The following HEATR5B variants were observed in gnomAD, a reference collection of about 807,000 sequenced individuals.
HEATR5B encodes HEAT repeat containing 5B.
HEATR5B carries 156 observed loss-of-function variants against 224.1 expected under a neutral mutation model. That is an observed-to-expected ratio of 0.70 (90% CI 0.61 to 0.80). HEATR5B has a LOEUF of 0.80. Ranked by LOEUF, HEATR5B falls within the 30% of genes least tolerant of loss-of-function variation. The pLI is 0.00. For synonymous variants in HEATR5B, 1,027 were observed against 893.0 expected (o/e 1.15, Z -2.68); for missense variants, 2,323 against 2,535.5 (o/e 0.92, Z 1.80).
In HEATR5B at chr2:37,010,745, C is replaced by T. The variant is rs986655571; in HGVS notation, c.4285-1897G>A. Among the ~76,000 whole-genome samples the T allele has an allele frequency of 2.0e-5, 3 of 151,860 alleles. No homozygotes were observed. The East Asian group carries it at 5.8e-4, about 29-fold the overall frequency. The stretch of plus-strand genomic sequence containing the variant: ...GCCAGGCTGGTCTCAAACTCCTGAC[C>T]GCAGGTGATCCATCCTTCTCAGCCT... On this transcript the variant is annotated intron_variant, in intron 27 of 35. Transcript: ENST00000233099.
Position 37,064,894 on chromosome 2 carries a change from G to A in HEATR5B, c.1430C>T (p.Pro477Leu). ...GTCTAGAAATGGTGTCAGCTGGAAA[G>A]GTAATGCCACAGCCACACAGCGCAA... ...WCLRCVAVAL[P>L]FQLTPFLDRC... Residue 477 changes from proline (P) to leucine (L), a missense_variant, in exon 10 of 36, where the codon CCT becomes CTT. Transcript: ENST00000233099. 1 of 1,614,164 alleles carries A rather than the reference G, an allele frequency of 6.2e-7. No individual in the cohort carries two copies. The highest frequency in any genetic ancestry group is 8.5e-7 in the Non-Finnish European group (1 of 1,180,032).
intron 1 of HEATR5B, among the ~76,000 whole-genome samples, chr2:37,083,920 ACT>A (rs1672797519): frequency 6.6e-6 from 1 of 151,884 alleles, no homozygotes; most frequent in Non-Finnish European, 1.5e-5. Context: ...GGTCTCCAAG[ACT>A]CTTCCTACGC....
At chr2:37,079,015 G>A (rs1240758903) in intron 3 of HEATR5B, 105 bp downstream of exon 3, 9 of 635,050 alleles carry the variant, frequency 1.4e-5, no homozygotes, top group African/African-American at 3.7e-5. Flanking sequence ...GCAGCATGTC[G>A]CAGGTTCCAC....
At chr2:36,994,079 T>C (rs576032495) in intron 33 of HEATR5B, among the ~76,000 whole-genome samples, 11 of 152,304 alleles carry the variant, frequency 7.2e-5, no homozygotes, top group African/African-American at 2.6e-4. Flanking sequence ...AGGATATCCA[T>C]GAAGTACGTA....
chr2:37,075,086 G>C (rs570289495), intron 5 of HEATR5B, among the ~76,000 whole-genome samples: 41 of 152,322 alleles, frequency 2.7e-4, no homozygotes, highest in African/African-American at 9.4e-4. Flanking sequence ...TGAAATGAAA[G>C]CATATGTTTG....
At chr2:37,014,283 T>C (rs1667974466) in intron 26 of HEATR5B, among the ~76,000 whole-genome samples, 1 of 152,036 alleles carries the variant, frequency 6.6e-6, no homozygotes, top group African/African-American at 2.4e-5. Flanking sequence ...TGCCTCAGCC[T>C]CCCAAGTAGC....
intron 10 of HEATR5B, 67 bp from the exon 11 acceptor site, chr2:37,062,117 T>A: frequency 1.1e-6 from 1 of 929,696 alleles, no homozygotes; most frequent in Non-Finnish European, 1.8e-6. Flanking sequence ...AACAGATAAC[T>A]AGCATACATT....
rs1458099303 is a variant in HEATR5B at position 37,083,292 on chromosome 2, G to C, written c.123C>G (p.Asn41Lys). The C allele has an allele frequency of 2.5e-6, 4 of 1,613,976 alleles. No individual in the cohort carries two copies. Among genetic ancestry groups the C allele is most frequent in the Non-Finnish European group, 3.4e-6 (4 of 1,179,950 alleles). Residue 41 changes from asparagine to lysine, a missense_variant, in exon 2 of 36, where the codon AAC (asparagine) becomes AAG (lysine). Physicochemically the swap from Asn to Lys is moderately conservative, Grantham distance 94 (BLOSUM62 0). Around this residue, in one of 12 missense-constraint regions of HEATR5B, gnomAD observed 292 missense variants for 332.6 expected, o/e 0.88. Coordinates refer to ENST00000233099, the MANE Select transcript of HEATR5B (RefSeq NM_019024.3). ...GGAAAAAAGAGCAATACCATACCTT[G>C]TTGGCAGCAACCAAGACTTTATCAA... ...RFLDKVLVAA[N>K]KTDVKEKQKK...
chr2:37,069,964 C>T (rs1235449626), intron 7 of HEATR5B, among the ~76,000 whole-genome samples: 6 of 147,212 alleles, frequency 4.1e-5, no homozygotes, highest in African/African-American at 1.5e-4. Flanking sequence ...GTGGCGCAAT[C>T]TTGGCTAACT....
chr2:37,050,580 A>T (rs1670475677), intron 17 of HEATR5B, among the ~76,000 whole-genome samples: 1 of 152,232 alleles, frequency 6.6e-6, no homozygotes, highest in Non-Finnish European at 1.5e-5. Flanking sequence ...CTATCTTTTA[A>T]GAAATCTTTA....
rs79440615 is a variant in HEATR5B, at chr2:37,041,249, A to G, written c.2740T>C (p.Leu914=). ...TAACGATGCAAACAACCAAGAGCCAATGAATGACCAGTCCTAGATACAACA... is the reference window on the plus strand; with the variant it reads ...TAACGATGCAAACAACCAAGAGCCAGTGAATGACCAGTCCTAGATACAACA... ...RDVVSRTGHS[L]ALGCLHRYVG... is the part of the protein sequence containing the mutation. The change falls in exon 19 of 36, where the codon TTG becomes CTG. Residue 914 remains leucine, a synonymous_variant. Coordinates refer to ENST00000233099, the MANE Select transcript of HEATR5B (RefSeq NM_019024.3). 8,329 of 1,614,154 alleles carry G rather than the reference A, an allele frequency of 5.2e-3. 370 individuals are homozygous for G. In the African/African-American group the frequency reaches 0.098, roughly 19 times the overall value.
intron 24 of HEATR5B, among the ~76,000 whole-genome samples, chr2:37,021,859 C>T (rs1322563443): frequency 6.7e-6 from 1 of 148,248 alleles, no homozygotes; most frequent in Non-Finnish European, 1.5e-5. Flanking sequence ...TGCACTCCAG[C>T]CTGGGTGACA....
At chr2:37,004,184 A>C (rs1035710831) in intron 30 of HEATR5B, among the ~76,000 whole-genome samples, 4 of 151,970 alleles carry the variant, frequency 2.6e-5, no homozygotes, top group African/African-American at 9.7e-5. Flanking sequence ...ACCTAAATGA[A>C]ATTTCAAAGA....
rs367950414 is a variant in HEATR5B at position 37,057,258 on chromosome 2, T to G, written c.2223+59A>C. 390 of 1,276,482 alleles carry G rather than the reference T, an allele frequency of 3.1e-4. 6 individuals carry two copies. The South Asian group carries it at 4.8e-3, about 16-fold the overall frequency. The allele number at this position is 1,276,482 out of a possible 1,614,324, so 79.1% of individuals were successfully genotyped here. On this transcript the variant is annotated intron_variant, in intron 15 of 35. Coordinates refer to ENST00000233099, the MANE Select transcript of HEATR5B (RefSeq NM_019024.3). Reference sequence around the variant, plus strand: ...ACTATTTTCTTTTTAAGTGACAATGTGTAATAGGACCATTGTTTCAGATTA... The same window carrying G: ...ACTATTTTCTTTTTAAGTGACAATGGGTAATAGGACCATTGTTTCAGATTA...
intron 19 of HEATR5B, 35 bp downstream of exon 19, chr2:37,041,098 A>C: frequency 6.4e-7 from 1 of 1,566,700 alleles, no homozygotes; most frequent in Non-Finnish European, 8.7e-7. Flanking sequence ...AAAATTTTCT[A>C]AACTTTTGTA....
intron 22 of HEATR5B, among the ~76,000 whole-genome samples, chr2:37,029,338 T>G (rs1419942338): frequency 6.6e-6 from 1 of 152,254 alleles, no homozygotes; most frequent in Non-Finnish European, 1.5e-5. Flanking sequence ...AAACTCTAAG[T>G]GGATTGCATC....
At position 37,000,693 on chromosome 2, in the gene HEATR5B, T is replaced by C. The variant is rs1667033447; in HGVS notation, c.5438A>G (p.Lys1813Arg). ...PPVSAALQGIKSIVTLSMAKT... is the reference protein window; with the variant it reads ...PPVSAALQGIRSIVTLSMAKT... ...GGCCATTGAAAGTGTCACAATACTT[T>C]TAATCCCTTGAAGAGCTGCACTGAC... The change falls in exon 33 of 36, where the codon AAA becomes AGA. Residue 1813 changes from lysine to arginine, a missense_variant. Coordinates refer to ENST00000233099, the MANE Select transcript of HEATR5B (RefSeq NM_019024.3). 6.2e-7 allele frequency: 1 copy of C among 1,614,224 alleles called. No individual in the cohort carries two copies. Among genetic ancestry groups the C allele is most frequent in the Non-Finnish European group, 8.5e-7 (1 of 1,180,036 alleles).
intron 2 of HEATR5B, among the ~76,000 whole-genome samples, chr2:37,080,623 G>A (rs1184951595): frequency 1.3e-5 from 2 of 152,076 alleles, no homozygotes; most frequent in African/African-American, 2.4e-5. Context: ...GGTTTGGGAG[G>A]AGAAATCAAG....
chr2:37,049,850 TAAAAAAAAAAA>T lies in HEATR5B; in HGVS notation c.2506-18_2506-8del. 1 of 1,000,684 alleles carries T rather than the reference TAAAAAAAAAAA, an allele frequency of 1.0e-6. No homozygotes were observed. The highest frequency in any genetic ancestry group is 1.3e-6 in the Non-Finnish European group (1 of 789,588). 62.0% of individuals were successfully genotyped at this position (1,000,684 alleles called of 1,614,324 possible). A position where few individuals can be genotyped will look rare whatever the true frequency, so the allele number is the denominator to read the frequency against. ...TTTTGTTTTCAGCTAAGCCCTACAT[TAAAAAAAAAAA>T]AAAAAAAAAGACAGCAATTCATAAT... On this transcript the variant is annotated splice_polypyrimidine_tract_variant and splice_region_variant and intron_variant, in intron 17 of 35. Transcript: ENST00000233099.
Sources: gnomAD v4.1 joint callset for allele counts (sites outside exome capture counted in the v4.1 genomes callset) on GRCh38, gnomAD v4.1.1 for gene constraint, gnomAD v4.1.1 regional missense constraint, MANE v1.5 for transcripts, NCBI Gene and HGNC (gene_info 2026-07-23, HGNC 2026-07-21) for gene names.